Variants in PPP1R7 observed in about 807,000 individuals in gnomAD.
The protein encoded by PPP1R7 is protein phosphatase 1 regulatory subunit 7, also known as protein phosphatase 1 regulatory subunit 22.
In PPP1R7, 18 loss-of-function variants were observed where a neutral mutation model predicts 45.2. That is an observed-to-expected ratio of 0.40 (90% CI 0.28 to 0.59). The LOEUF is 0.59. Ranked by LOEUF, PPP1R7 falls within the 20% of genes least tolerant of loss-of-function variation. The probability of loss-of-function intolerance (pLI) is 0.46; values close to 1 mark genes in which losing one functional copy is unlikely to be tolerated. For synonymous variants in PPP1R7, 181 were observed against 183.4 expected, an observed-to-expected ratio of 0.99 and a Z score of 0.11; for missense variants, 314 against 455.8, an observed-to-expected ratio of 0.69 and a Z score of 2.83.
chr2:241,181,737 C>A (rs779797777), intron 9 of PPP1R7, among the ~76,000 whole-genome samples: 17 of 152,210 alleles, frequency 1.1e-4, no homozygotes, highest in Non-Finnish European at 2.5e-4. Flanking sequence ...CGAAGTCTGT[C>A]ACCCTATAAC....
intron 9 of PPP1R7, among the ~76,000 whole-genome samples, chr2:241,176,853 C>G (rs539587920): frequency 6.6e-6 from 1 of 152,332 alleles, no homozygotes; most frequent in Non-Finnish European, 1.5e-5. Flanking sequence ...CTGCAACCAG[C>G]CTGTGATGGC....
chr2:241,179,821 C>CA (rs762256096), intron 9 of PPP1R7, among the ~76,000 whole-genome samples: 92 of 152,304 alleles, frequency 6.0e-4, no homozygotes, highest in South Asian at 1.2e-3. Flanking sequence ...TGGAAAAATG[C>CA]AAAGATAAGA....
In PPP1R7 at chr2:241,169,969, T is replaced by C. The variant is rs1253670394; in HGVS notation, c.906+102T>C. 45 of 980,488 alleles carry C rather than the reference T, an allele frequency of 4.6e-5. No individual in the cohort carries two copies. The East Asian group carries it at 1.1e-3, about 23-fold the overall frequency. The allele number at this position is 980,488 out of a possible 1,614,324, so 60.7% of individuals were successfully genotyped here. On this transcript the variant is annotated intron_variant, in intron 9 of 9. Transcript: ENST00000234038. The stretch of plus-strand genomic sequence containing the variant: ...TACAAGAATCTCCTGTAAGCCTTCA[T>C]GCTGAGTGACTCCGCACATCATGAG...
chr2:241,155,517 C>G (rs1428327992), intron 2 of PPP1R7, among the ~76,000 whole-genome samples: 4 of 152,248 alleles, frequency 2.6e-5, no homozygotes, highest in African/African-American at 9.6e-5. Context: ...ATCATGTCAA[C>G]TGTTACCTTC....
At chr2:241,163,715 C>T (rs1240401260) in intron 7 of PPP1R7, among the ~76,000 whole-genome samples, 1 of 152,090 alleles carries the variant, frequency 6.6e-6, no homozygotes, top group Non-Finnish European at 1.5e-5. Flanking sequence ...GCCAGCTTCC[C>T]ACCTCAGCCT....
intron 2 of PPP1R7, among the ~76,000 whole-genome samples, chr2:241,157,150 T>C (rs1227275291): frequency 6.6e-6 from 1 of 152,204 alleles, no homozygotes; most frequent in Non-Finnish European, 1.5e-5. Context: ...TGAAATCCAA[T>C]GGGCTTCTCT....
At chr2:241,153,842 A>G (rs2067378969) in intron 2 of PPP1R7, among the ~76,000 whole-genome samples, 1 of 152,112 alleles carries the variant, frequency 6.6e-6, no homozygotes, top group South Asian at 2.1e-4. Context: ...ACTGAAGGCA[A>G]ATCCTAGCAC....
intron 9 of PPP1R7, 110 bp downstream of exon 9, chr2:241,169,977 G>A (rs892583049): frequency 1.1e-6 from 1 of 871,818 alleles, no homozygotes; most frequent in African/African-American, 1.7e-5. Context: ...CATGCTGAGT[G>A]ACTCCGCACA....
intron 8 of PPP1R7, chr2:241,167,095 C>T: frequency 6.2e-7 from 1 of 1,609,376 alleles, no homozygotes; most frequent in Non-Finnish European, 8.5e-7. Context: ...AGAGCCCCCA[C>T]CCTCCTCAGC....
intron 9 of PPP1R7, among the ~76,000 whole-genome samples, chr2:241,176,026 C>T (rs1327642341): frequency 6.6e-6 from 1 of 152,286 alleles, no homozygotes; most frequent in East Asian, 1.9e-4. Flanking sequence ...AATCCGCCCA[C>T]CTCGGCTTCC....
chr2:241,153,421 T>C lies in PPP1R7; in HGVS notation c.53-55T>C. The stretch of plus-strand genomic sequence containing the variant: ...CTTACAACCGGGTGTTTATTATATG[T>C]TCCTCAAAGTCCCATAAAGTGGATG... On this transcript the variant is annotated intron_variant, in intron 1 of 9. Transcript: ENST00000234038. The C allele has an allele frequency of 6.2e-6, 10 of 1,603,984 alleles. No homozygotes were observed. The South Asian group carries it at 7.7e-5, about 12-fold the overall frequency.
At chr2:241,156,842 AT>A (rs886316491) in intron 2 of PPP1R7, among the ~76,000 whole-genome samples, 1 of 152,084 alleles carries the variant, frequency 6.6e-6, no homozygotes, top group African/African-American at 2.4e-5. Flanking sequence ...ATTACTGTTA[AT>A]TTTTTTAAGT....
intron 2 of PPP1R7, among the ~76,000 whole-genome samples, chr2:241,154,636 C>T (rs2067407568): frequency 6.6e-6 from 1 of 152,056 alleles, no homozygotes; most frequent in Non-Finnish European, 1.5e-5. Flanking sequence ...ACCAGGGAGG[C>T]AGAGGTTGCA....
intron 2 of PPP1R7, among the ~76,000 whole-genome samples, chr2:241,156,049 C>A (rs79693032): frequency 6.6e-6 from 1 of 152,254 alleles, no homozygotes; most frequent in Non-Finnish European, 1.5e-5. Flanking sequence ...CATGTGGGAT[C>A]ATGACTTTGT....
intron 1 of PPP1R7, among the ~76,000 whole-genome samples, chr2:241,153,182 A>G (rs1016066875): frequency 6.6e-6 from 1 of 152,238 alleles, no homozygotes; most frequent in Non-Finnish European, 1.5e-5. Context: ...ATTTAATCAC[A>G]GGTGATCCAA....
chr2:241,157,736 C>T (rs935408697), intron 2 of PPP1R7, 71 bp from the exon 3 acceptor site: 2 of 1,471,670 alleles, frequency 1.4e-6, no homozygotes, highest in African/African-American at 2.8e-5. Flanking sequence ...AGACCTCAGC[C>T]AGAAGCAGCT....
intron 4 of PPP1R7, 175 bp downstream of exon 4, chr2:241,158,724 G>C: frequency 1.6e-6 from 1 of 627,850 alleles, no homozygotes; most frequent in South Asian, 1.9e-5. Context: ...TGAGACAGCA[G>C]TCGAGGGACT....
upstream of PPP1R7, chr2:241,150,257 A>G (rs1047066115): frequency 8.5e-6 from 11 of 1,291,654 alleles, no homozygotes; most frequent in African/African-American, 1.6e-4. Flanking sequence ...TTTCCTTCCC[A>G]GCTTCTCGCC....
At chr2:241,163,242 C>A in intron 6 of PPP1R7, 43 bp from the exon 7 acceptor site, 2 of 1,373,634 alleles carry the variant, frequency 1.5e-6, no homozygotes, top group Non-Finnish European at 2.1e-6. Flanking sequence ...CCTGGGGCAG[C>A]CTGTCAACTG....
Sources: allele counts gnomAD v4.1 joint callset (sites outside exome capture counted in the v4.1 genomes callset), GRCh38; gene constraint gnomAD v4.1.1; transcripts MANE v1.5; gene names NCBI Gene and HGNC (gene_info 2026-07-23, HGNC 2026-07-21).